The following MTOR variants were observed in gnomAD, a reference collection of about 807,000 sequenced individuals.
MTOR encodes the protein serine/threonine-protein kinase mTOR.
Under a neutral mutation model 319.8 loss-of-function variants are expected in MTOR, and 70 were observed. The observed-to-expected ratio is 0.22, with a 90% CI of 0.18 to 0.27. The LOEUF is 0.27. Among genes scored for constraint, MTOR ranks in the 10% least tolerant of loss-of-function variants. The probability of loss-of-function intolerance (pLI) is 1.00; values close to 1 mark genes in which losing one functional copy is unlikely to be tolerated. For missense variants in MTOR, 1,890 were observed against 3,274.4 expected (o/e 0.58, Z 10.32); for synonymous variants, 1,183 against 1,211.4 (o/e 0.98, Z 0.49).
At position 11,133,046 on chromosome 1, in the gene MTOR, T is replaced by A. The variant is rs1379573189; in HGVS notation, c.5364+34A>T. On this transcript the variant is annotated intron_variant, in intron 38 of 57. Transcript: ENST00000361445. The surrounding 1 kb of genome is among the most constrained non-coding windows in gnomAD (Gnocchi z 4.0). ...ACAGGAGGACACGAGCCAGCCAGGG[T>A]GCTGGGTCTCACAGGTGGCCTGCTT... is the stretch of plus-strand genomic sequence containing the variant. 5 of 1,574,088 alleles carry A rather than the reference T, an allele frequency of 3.2e-6. No individual in the cohort carries two copies. Among genetic ancestry groups the A allele is most frequent in the Non-Finnish European group, 4.4e-6 (5 of 1,144,664 alleles).
At chr1:11,260,986 T>A (rs1234000984) in intron 1 of MTOR, among the ~76,000 whole-genome samples, 1 of 151,396 alleles carries the variant, frequency 6.6e-6, no homozygotes, top group Non-Finnish European at 1.5e-5. Flanking sequence ...GAGATGGGGT[T>A]TTATTATGTT....
At chr1:11,139,685 A>T in intron 34 of MTOR, 27 bp from the exon 35 acceptor site, 1 of 1,613,920 alleles carries the variant, frequency 6.2e-7, no homozygotes, top group Non-Finnish European at 8.5e-7. Flanking sequence ...TGAAGATTAG[A>T]TATGTCTTCT....
rs1646860416 is a variant in MTOR, at chr1:11,226,964, G to A, written c.3030+1704C>T. Among the ~76,000 whole-genome samples the A allele has an allele frequency of 2.7e-5, 3 of 110,162 alleles. 1 individual carries two copies. The East Asian group carries it at 8.4e-4, about 31-fold the overall frequency. 72.3% of individuals were successfully genotyped at this position (110,162 alleles called of 152,430 possible). ...CCACCAGACTATATAATTATATAGA[G>A]TAAAAACCTGAGAGAATTTACAGGT... On this transcript the variant is annotated intron_variant, in intron 19 of 57. Coordinates refer to ENST00000361445, the MANE Select transcript of MTOR (RefSeq NM_004958.4).
intron 4 of MTOR, 79 bp downstream of exon 4, chr1:11,256,854 C>T: frequency 7.2e-7 from 1 of 1,381,240 alleles, no homozygotes; most frequent in Non-Finnish European, 1.0e-6. Context: ...AAGGAATGAG[C>T]CTCAGAAGGA....
chr1:11,246,104 C>T (rs1648778386), intron 8 of MTOR, among the ~76,000 whole-genome samples: 1 of 152,208 alleles, frequency 6.6e-6, no homozygotes, highest in South Asian at 2.1e-4. Flanking sequence ...GAAGCAAATA[C>T]TTATACGGTG....
At chr1:11,249,536 T>C (rs534092500) in intron 6 of MTOR, among the ~76,000 whole-genome samples, 49 of 147,734 alleles carry the variant, frequency 3.3e-4, no homozygotes, top group African/African-American at 1.2e-3. Context: ...AACAAAGGTC[T>C]CTGGTTTTCC....
intron 19 of MTOR, among the ~76,000 whole-genome samples, chr1:11,228,027 CACCT>C (rs1192727036): frequency 2.0e-5 from 3 of 152,116 alleles, no homozygotes; most frequent in Admixed American, 2.0e-4. Context: ...CATTCAACTT[CACCT>C]GTGTAGTATT....
rs138165807 is a variant in MTOR, at chr1:11,238,517, C to T, written c.1887G>A (p.Leu629=). ...TGATGAGGTGGATGGAGGGTGTGAG[C>T]AGGCGGGAGCAGGTGCGGGCAGCCT... ...RMEAARTCSR[L]LTPSIHLISG... The change falls in exon 12 of 58, where the codon CTG becomes CTA. Residue 629 remains leucine (L), a synonymous_variant. Coordinates refer to ENST00000361445, the MANE Select transcript of MTOR (RefSeq NM_004958.4). 129 of 1,614,214 alleles carry T rather than the reference C, an allele frequency of 8.0e-5. 1 individual carries two copies. In the African/African-American group the frequency reaches 1.6e-3, roughly 20 times the overall value.
chr1:11,230,824 T>C, intron 18 of MTOR, 101 bp downstream of exon 18: 1 of 1,521,892 alleles, frequency 6.6e-7, no homozygotes, highest in Admixed American at 1.8e-5. Flanking sequence ...GCCAATATCC[T>C]ATAATTTCTC....
chr1:11,258,343 G>A lies in MTOR; in HGVS notation c.271+142C>T. On this transcript the variant is annotated intron_variant, in intron 3 of 57. Transcript: ENST00000361445. ...AAAATACGTTTTTCCTGTGGCCCAGGGCTGCTGCTAGAATTAAAAGCCACG... is the reference window on the plus strand; with the variant it reads ...AAAATACGTTTTTCCTGTGGCCCAGAGCTGCTGCTAGAATTAAAAGCCACG... 3 of 639,320 alleles carry A rather than the reference G, an allele frequency of 4.7e-6. No individual in the cohort carries two copies. In the South Asian group the frequency reaches 5.9e-5, roughly 13 times the overall value. The allele number at this position is 639,320 out of a possible 1,614,324, so 39.6% of individuals were successfully genotyped here.
rs1278874733 is a variant in MTOR at position 11,130,680 on chromosome 1, C to G, written c.5462G>C (p.Ser1821Thr). 4 of 1,611,148 alleles carry G rather than the reference C, an allele frequency of 2.5e-6. No individual in the cohort carries two copies. The highest frequency in any genetic ancestry group is 2.2e-5 in the South Asian group (2 of 90,326). ...GGTGGCGTTGGTGATGTTGGCCCCG[C>G]TGGCATGACGCAGTTTCTTCTTCTC... ...RDEKKKLRHA[S>T]GANITNATTA... Residue 1821 changes from serine (S) to threonine (T), a missense_variant, in exon 39 of 58, where the codon AGC (serine) becomes ACC (threonine). This residue lies in a region of MTOR where 91 missense variants were observed against 90.4 expected (regional missense o/e 1.01). Transcript: ENST00000361445.
chr1:11,135,697 G>A (rs1643374389), intron 36 of MTOR, among the ~76,000 whole-genome samples: 2 of 151,674 alleles, frequency 1.3e-5, no homozygotes, highest in Non-Finnish European at 1.5e-5. Context: ...GCCGGGCGTG[G>A]TGGGGCGCGC....
chr1:11,245,634 C>G (rs1459481218), intron 8 of MTOR, among the ~76,000 whole-genome samples: 1 of 152,170 alleles, frequency 6.6e-6, no homozygotes, highest in Non-Finnish European at 1.5e-5. Context: ...CGCCACAGCT[C>G]ATGTCTGTAA....
chr1:11,114,978 G>A (rs1642087709), intron 51 of MTOR, 91 bp from the exon 52 acceptor site: 3 of 1,053,650 alleles, frequency 2.8e-6, no homozygotes, highest in Non-Finnish European at 4.4e-6. Flanking sequence ...TGCATCACCT[G>A]CACTGATTTT....
intron 10 of MTOR, among the ~76,000 whole-genome samples, chr1:11,240,927 T>A (rs1285924088): frequency 6.6e-6 from 1 of 151,984 alleles, no homozygotes; most frequent in African/African-American, 2.4e-5. Flanking sequence ...ATTTATTGAG[T>A]ACTTCCTATA....
chr1:11,193,571 C>G, intron 28 of MTOR: 5 of 1,571,992 alleles, frequency 3.2e-6, no homozygotes, highest in African/African-American at 1.3e-5. Flanking sequence ...AGTATCCCCT[C>G]TGCTTCAGGT....
intron 31 of MTOR, chr1:11,149,160 C>G (rs986578785): frequency 6.6e-6 from 1 of 152,116 alleles, no homozygotes; most frequent in East Asian, 1.9e-4. Flanking sequence ...GTGTATGACC[C>G]CACTAACCTT....
intron 6 of MTOR, among the ~76,000 whole-genome samples, chr1:11,250,183 C>T (rs1649457950): frequency 7.1e-6 from 1 of 140,040 alleles, no homozygotes; most frequent in Non-Finnish European, 1.6e-5. Context: ...GGCTGACCCC[C>T]CGACCTCCCT....
rs2100867769 is a variant in MTOR, at chr1:11,231,293, C to T, written c.2649+7G>A. On this transcript the variant is annotated splice_region_variant and intron_variant, in intron 17 of 57. Transcript: ENST00000361445. ...TCTTTAAAGACCAAGTTTGCCACGT[C>T]CCCTACCTCTCTGCGTGTACCCTGG... The T allele has an allele frequency of 6.2e-7, 1 of 1,613,882 alleles. No homozygotes were observed. The highest frequency in any genetic ancestry group is 8.5e-7 in the Non-Finnish European group (1 of 1,179,892).
Sources: gnomAD v4.1 joint callset for allele counts (sites outside exome capture counted in the v4.1 genomes callset) on GRCh38, gnomAD v4.1.1 for gene constraint, gnomAD v4.1.1 regional missense constraint, Gnocchi (gnomAD v3.1) non-coding constraint, MANE v1.5 for transcripts, NCBI Gene and HGNC (gene_info 2026-07-23, HGNC 2026-07-21) for gene names.